IQCH: variants seen among roughly 807,000 people sequenced by gnomAD.
The protein encoded by IQCH is IQ domain-containing protein H.
IQCH carries 98 observed loss-of-function variants against 117.0 expected under a neutral mutation model. The ratio of observed to expected loss-of-function variants is 0.84; its 90% CI spans 0.71 to 0.99. The LOEUF is 0.99. IQCH is among the 50% of genes least tolerant of loss of function. The pLI, the probability that IQCH is intolerant of heterozygous loss-of-function variation, is 0.00. For synonymous variants in IQCH, 412 were observed against 448.2 expected, an observed-to-expected ratio of 0.92 and a Z score of 1.02; for missense variants, 1,102 against 1,243.8, an observed-to-expected ratio of 0.89 and a Z score of 1.72.
At chr15:67,351,853 T>C (rs1169562892) in intron 6 of IQCH, among the ~76,000 whole-genome samples, 1 of 152,176 alleles carries the variant, frequency 6.6e-6, no homozygotes, top group Non-Finnish European at 1.5e-5. Context: ...AATCTTTCTG[T>C]AGCAATATGT....
intron 6 of IQCH, among the ~76,000 whole-genome samples, chr15:67,345,507 T>C (rs918905089): frequency 2.0e-5 from 3 of 152,236 alleles, no homozygotes; most frequent in Admixed American, 6.5e-5. Flanking sequence ...GTTGATATCA[T>C]GTGCCCCCTA....
At chr15:67,334,461 C>T (rs190704230) in intron 4 of IQCH, among the ~76,000 whole-genome samples, 1 of 152,294 alleles carries the variant, frequency 6.6e-6, no homozygotes, top group East Asian at 1.9e-4. Flanking sequence ...CTGTTTTGCA[C>T]CATTGCTACC....
At chr15:67,314,097 T>G (rs1967731008) in intron 4 of IQCH, among the ~76,000 whole-genome samples, 1 of 152,126 alleles carries the variant, frequency 6.6e-6, no homozygotes, top group Admixed American at 6.6e-5. Context: ...TCGCTCTTAC[T>G]TTCTGTCCTA....
At chr15:67,373,518 C>A in intron 10 of IQCH, 85 bp downstream of exon 10, 1 of 916,314 alleles carries the variant, frequency 1.1e-6, no homozygotes, top group East Asian at 2.4e-5. Flanking sequence ...AGGAAGGCCC[C>A]TTGTTTTATT....
At chr15:67,345,659 G>A (rs1376588207) in intron 6 of IQCH, among the ~76,000 whole-genome samples, 3 of 152,094 alleles carry the variant, frequency 2.0e-5, no homozygotes, top group African/African-American at 4.8e-5. Flanking sequence ...CCTCAATACT[G>A]TCACGGTCAT....
rs937834046 is a variant in IQCH, at chr15:67,403,939, C to T, written c.2097+3634C>T. The T allele has an allele frequency of 2.6e-5, 4 of 152,226 alleles. No homozygotes were observed. The highest frequency in any genetic ancestry group is 7.2e-5 in the African/African-American group (3 of 41,446). 9.4% of individuals were successfully genotyped at this position (152,226 alleles called of 1,614,324 possible). A position where few individuals can be genotyped will look rare whatever the true frequency, so the allele number is the denominator to read the frequency against. ...GCCAGTTTACTTTCAAGTTTCTCTGCAGCCCTTCGTTGGGCCTCTGTTACC... is the reference window on the plus strand; with the variant it reads ...GCCAGTTTACTTTCAAGTTTCTCTGTAGCCCTTCGTTGGGCCTCTGTTACC... On this transcript the variant is annotated intron_variant, in intron 14 of 20. Transcript: ENST00000335894. The surrounding 1 kb of genome is among the most constrained non-coding windows in gnomAD (Gnocchi z 4.8).
intron 10 of IQCH, among the ~76,000 whole-genome samples, chr15:67,375,027 A>C (rs1220459552): frequency 6.6e-6 from 1 of 152,202 alleles, no homozygotes; most frequent in African/African-American, 2.4e-5. Flanking sequence ...CCTCCTAAAA[A>C]CTTCCATGCA....
chr15:67,478,124 C>T (rs1406965342), intron 18 of IQCH, among the ~76,000 whole-genome samples: 5 of 152,026 alleles, frequency 3.3e-5, no homozygotes, highest in African/African-American at 1.2e-4. Flanking sequence ...GTGGCTCATG[C>T]CTGTAATCCC....
chr15:67,456,755 T>G lies in IQCH; in HGVS notation c.2506-8372T>G, dbSNP rs1432700485. Among the ~76,000 whole-genome samples, 2 of 152,150 alleles carry G rather than the reference T, an allele frequency of 1.3e-5. No individual in the cohort carries two copies. The highest frequency in any genetic ancestry group is 2.9e-5 in the Non-Finnish European group (2 of 68,026). On this transcript the variant is annotated intron_variant, in intron 16 of 20. Coordinates refer to ENST00000335894, the MANE Select transcript of IQCH (RefSeq NM_001031715.3). This position sits in a 1 kb window ranked among gnomAD's most constrained non-coding sequence, Gnocchi z 5.1. ...TCCCAAATATGGATTTTGGATTTTTTTCAGAATCCAAAAGTTTTGAAGGCC... is the reference window on the plus strand; with the variant it reads ...TCCCAAATATGGATTTTGGATTTTTGTCAGAATCCAAAAGTTTTGAAGGCC...
At chr15:67,402,905 T>C (rs1596314399) in intron 14 of IQCH, among the ~76,000 whole-genome samples, 2 of 152,344 alleles carry the variant, frequency 1.3e-5, no homozygotes, top group African/African-American at 4.8e-5. Flanking sequence ...TATGCAGATA[T>C]TGGTTTTAGA....
chr15:67,436,293 C>A lies in IQCH; in HGVS notation c.2505+14716C>A, dbSNP rs1363759318. On this transcript the variant is annotated intron_variant, in intron 16 of 20. Transcript: ENST00000335894. This position sits in a 1 kb window ranked among gnomAD's most constrained non-coding sequence, Gnocchi z 5.1. The stretch of plus-strand genomic sequence containing the variant: ...GAGACCCTCCTCTCTCAAACACACA[C>A]CCCCGCACTGGAGAAGCTGAAGGTC... Among the ~76,000 whole-genome samples, 1 of 152,174 alleles carries A rather than the reference C, an allele frequency of 6.6e-6. No individual in the cohort carries two copies. The highest frequency in any genetic ancestry group is 1.5e-5 in the Non-Finnish European group (1 of 68,038).
chr15:67,285,503 ATCTTTG>A (rs1304492806), intron 4 of IQCH, among the ~76,000 whole-genome samples: 1 of 152,014 alleles, frequency 6.6e-6, no homozygotes, highest in African/African-American at 2.4e-5. Context: ...TGCTTTTGGC[ATCTTTG>A]TCATGAAATC....
intron 16 of IQCH, among the ~76,000 whole-genome samples, chr15:67,435,939 T>C (rs563710876): frequency 1.1e-4 from 16 of 152,260 alleles, no homozygotes; most frequent in Admixed American, 2.6e-4. Context: ...GTCTTTGCTA[T>C]TGAGTTGTAA....
At chr15:67,423,491 C>T (rs575038120) in intron 16 of IQCH, among the ~76,000 whole-genome samples, 1 of 151,888 alleles carries the variant, frequency 6.6e-6, no homozygotes, top group Non-Finnish European at 1.5e-5. Context: ...ATCACTTGAT[C>T]CCAGCTCACT....
At chr15:67,451,902 G>A (rs369605927) in intron 16 of IQCH, among the ~76,000 whole-genome samples, 1 of 152,162 alleles carries the variant, frequency 6.6e-6, no homozygotes, top group Admixed American at 6.5e-5. Flanking sequence ...ATGCATCTGG[G>A]TGCTCCTGTA....
chr15:67,275,445 A>AG (rs1418980528), intron 3 of IQCH, among the ~76,000 whole-genome samples: 1 of 152,080 alleles, frequency 6.6e-6, no homozygotes, highest in African/African-American at 2.4e-5. Flanking sequence ...TGCTGGTAAT[A>AG]ATCTCAGTAA....
chr15:67,366,040 C>T lies in IQCH; in HGVS notation c.754-6071C>T, dbSNP rs4776923. Among the ~76,000 whole-genome samples the T allele has an allele frequency of 0.29, 43,825 of 152,154 alleles. 6,425 individuals carry two copies. Among genetic ancestry groups the T allele is most frequent in the South Asian group, 0.37 (1,796 of 4,816 alleles). ...TTTGGATCAAGGAACGTACTAGATC[C>T]ACATTTTTCTCAGGAAACATGGAAT... On this transcript the variant is annotated intron_variant, in intron 8 of 20. Coordinates refer to ENST00000335894, the MANE Select transcript of IQCH (RefSeq NM_001031715.3). This position sits in a 1 kb window ranked among gnomAD's most constrained non-coding sequence, Gnocchi z 4.4.
intron 16 of IQCH, among the ~76,000 whole-genome samples, chr15:67,451,189 G>A (rs922419173): frequency 6.6e-6 from 1 of 152,054 alleles, no homozygotes; most frequent in African/African-American, 2.4e-5. Flanking sequence ...TGGACTCATT[G>A]ATTTTTTGAA....
At chr15:67,338,866 AG>A (rs1969019044) in intron 5 of IQCH, among the ~76,000 whole-genome samples, 1 of 152,040 alleles carries the variant, frequency 6.6e-6, no homozygotes, top group Non-Finnish European at 1.5e-5. Context: ...CATCTCACTC[AG>A]CTCTCTCTAT....
Sources: allele counts gnomAD v4.1 joint callset (sites outside exome capture counted in the v4.1 genomes callset), GRCh38; gene constraint gnomAD v4.1.1; non-coding constraint Gnocchi (gnomAD v3.1); transcripts MANE v1.5; gene names NCBI Gene and HGNC (gene_info 2026-07-23, HGNC 2026-07-21).